The following ADAMTSL1 variants were observed in gnomAD, a reference collection of about 807,000 sequenced individuals.
ADAMTSL1 encodes ADAMTS like 1.
A neutral mutation model predicts 201.8 loss-of-function variants in ADAMTSL1; 126 were observed. The ratio of observed to expected loss-of-function variants is 0.62; its 90% CI spans 0.54 to 0.72. ADAMTSL1 has a LOEUF of 0.72. Ranked by LOEUF, ADAMTSL1 falls within the 30% of genes least tolerant of loss-of-function variation. The probability of loss-of-function intolerance (pLI) is 0.00; values close to 1 mark genes in which losing one functional copy is unlikely to be tolerated. For synonymous variants in ADAMTSL1, 1,121 were observed against 903.4 expected, an observed-to-expected ratio of 1.24 and a Z score of -4.32; for missense variants, 2,679 against 2,277.8, an observed-to-expected ratio of 1.18 and a Z score of -3.59.
chr9:18,264,295 T>C (rs1356020859), intron 2 of ADAMTSL1, among the ~76,000 whole-genome samples: 1 of 152,190 alleles, frequency 6.6e-6, no homozygotes, highest in Non-Finnish European at 1.5e-5. Flanking sequence ...TCACCATGTC[T>C]AGCTTGAAAT....
intron 2 of ADAMTSL1, among the ~76,000 whole-genome samples, chr9:18,315,359 G>A (rs1031316740): frequency 2.0e-5 from 3 of 152,128 alleles, no homozygotes; most frequent in African/African-American, 7.2e-5. Flanking sequence ...CTGCCTGTCA[G>A]TCCCATGCCA....
intron 5 of ADAMTSL1, among the ~76,000 whole-genome samples, chr9:18,630,962 C>T (rs894668803): frequency 6.6e-5 from 10 of 152,116 alleles, no homozygotes; most frequent in African/African-American, 1.9e-4. Flanking sequence ...TTCTCCCAAG[C>T]GGCTGACACT....
intron 1 of ADAMTSL1, among the ~76,000 whole-genome samples, chr9:18,477,681 G>A (rs1030098933): frequency 2.6e-5 from 4 of 152,076 alleles, no homozygotes; most frequent in East Asian, 1.9e-4. Flanking sequence ...AAGACTTTTC[G>A]CATAGATCTA....
At chr9:17,985,910 A>G (rs72697428) in intron 1 of ADAMTSL1, among the ~76,000 whole-genome samples, 2,885 of 152,240 alleles carry the variant, frequency 0.019, 63 homozygotes, top group South Asian at 0.11. Flanking sequence ...GTTGGCTATG[A>G]CAAGCCAGAA....
chr9:17,940,780 C>A (rs1827205028), intron 1 of ADAMTSL1, among the ~76,000 whole-genome samples: 3 of 107,400 alleles, frequency 2.8e-5, no homozygotes, highest in Admixed American at 9.8e-5. Context: ...TAAAGGTAAA[C>A]TTAAAAATAA....
intron 4 of ADAMTSL1, among the ~76,000 whole-genome samples, chr9:18,576,350 G>GGA (rs771925052): frequency 7.2e-5 from 11 of 152,178 alleles, no homozygotes; most frequent in Non-Finnish European, 1.5e-4. Flanking sequence ...AGGTAGTTTG[G>GGA]GAGAGAAACA....
At chr9:18,149,563 C>T (rs1195778486) in intron 1 of ADAMTSL1, among the ~76,000 whole-genome samples, 1 of 152,002 alleles carries the variant, frequency 6.6e-6, no homozygotes, top group Admixed American at 6.6e-5. Flanking sequence ...AGCATCATCT[C>T]AGGCCCTAAC....
At chr9:18,392,366 C>T (rs547329873) in intron 2 of ADAMTSL1, among the ~76,000 whole-genome samples, 5 of 152,176 alleles carry the variant, frequency 3.3e-5, no homozygotes, top group South Asian at 2.1e-4. Flanking sequence ...AGGAACAGTG[C>T]GGTAGGTTGT....
rs184597219 is a variant in ADAMTSL1 at position 18,232,535 on chromosome 9, C to T, written c.207+68554C>T. Among the ~76,000 whole-genome samples, 15 of 151,868 alleles carry T rather than the reference C, an allele frequency of 9.9e-5. 1 individual carries two copies. The highest frequency in any genetic ancestry group is 4.2e-4 in the South Asian group (2 of 4,812). On this transcript the variant is annotated intron_variant, in intron 2 of 29. Transcript: ENST00000680146. ...TTTTTTCGCTGATGTGTTTTTGCAC[C>T]GAAAGAAGTGACTATTGCATAGTTA...
intron 3 of ADAMTSL1, among the ~76,000 whole-genome samples, chr9:18,543,572 C>A (rs77495848): frequency 0.013 from 1,946 of 152,266 alleles, 49 homozygotes; most frequent in African/African-American, 0.045. Context: ...CAAAACACAT[C>A]ATTTCTTTTT....
chr9:18,161,392 G>T (rs556726102), intron 1 of ADAMTSL1, among the ~76,000 whole-genome samples: 1 of 152,106 alleles, frequency 6.6e-6, no homozygotes, highest in South Asian at 2.1e-4. Flanking sequence ...TAGCTTTTAA[G>T]AATTGGCATC....
At chr9:18,020,224 C>A (rs1319932505) in intron 1 of ADAMTSL1, among the ~76,000 whole-genome samples, 1 of 151,966 alleles carries the variant, frequency 6.6e-6, no homozygotes, top group East Asian at 1.9e-4. Flanking sequence ...AGGGGACAGG[C>A]AGTTTCTAAG....
intron 1 of ADAMTSL1, among the ~76,000 whole-genome samples, chr9:17,944,351 G>C (rs1172082247): frequency 1.3e-5 from 2 of 152,048 alleles, no homozygotes; most frequent in East Asian, 3.9e-4. Context: ...CATGCTCATG[G>C]GTAGGAAGAA....
At chr9:18,677,709 A>G (rs1209513642) in intron 10 of ADAMTSL1, among the ~76,000 whole-genome samples, 1 of 152,074 alleles carries the variant, frequency 6.6e-6, no homozygotes, top group Non-Finnish European at 1.5e-5. Context: ...CCTAAATCCC[A>G]ATGGTATATT....
At chr9:18,327,739 A>G (rs994185358) in intron 2 of ADAMTSL1, among the ~76,000 whole-genome samples, 4 of 152,332 alleles carry the variant, frequency 2.6e-5, no homozygotes, top group South Asian at 2.1e-4. Flanking sequence ...TGATTATAAA[A>G]GGTCTTGACT....
chr9:18,571,245 G>C (rs1192002850), intron 3 of ADAMTSL1, among the ~76,000 whole-genome samples: 3 of 152,122 alleles, frequency 2.0e-5, no homozygotes, highest in East Asian at 3.9e-4. Context: ...AATTTTCCCT[G>C]GTTCATATTA....
intron 4 of ADAMTSL1, among the ~76,000 whole-genome samples, chr9:18,615,809 G>A (rs1382075185): frequency 6.6e-6 from 1 of 152,120 alleles, no homozygotes; most frequent in East Asian, 1.9e-4. Context: ...TCGGCTTCTA[G>A]AGCCCAGTGT....
chr9:18,909,499 T>C lies in ADAMTSL1; in HGVS notation c.*951T>C, dbSNP rs1830491243. ...CTCTTTATCTAAATCCGAAGTCCCC[T>C]AGCCCCGCACTAACTAACTGCTGCT... On this transcript the variant is annotated 3_prime_UTR_variant, in exon 29 of 29. Coordinates refer to ENST00000380548, the MANE Select transcript of ADAMTSL1 (RefSeq NM_001040272.6). 6.6e-6 allele frequency: 1 copy of C among 152,290 alleles called. No homozygotes were observed. Among genetic ancestry groups the C allele is most frequent in the Non-Finnish European group, 1.5e-5 (1 of 68,088 alleles). The allele number at this position is 152,290 out of a possible 1,614,324, so 9.4% of individuals were successfully genotyped here. A position where few individuals can be genotyped will look rare whatever the true frequency, so the allele number is the denominator to read the frequency against.
chr9:18,678,676 A>G (rs1278695115), intron 10 of ADAMTSL1, among the ~76,000 whole-genome samples: 21 of 152,198 alleles, frequency 1.4e-4, no homozygotes, highest in Non-Finnish European at 2.9e-5. Context: ...CTTTTATAGC[A>G]TCTTAATATT....
Sources: gnomAD v4.1 joint callset for allele counts (sites outside exome capture counted in the v4.1 genomes callset) on GRCh38, gnomAD v4.1.1 for gene constraint, MANE v1.5 for transcripts, NCBI Gene and HGNC (gene_info 2026-07-23, HGNC 2026-07-21) for gene names.